SYN3: variants seen among roughly 807,000 people sequenced by gnomAD.
The protein encoded by SYN3 is synapsin-3.
In SYN3, 35 loss-of-function variants were observed where a neutral mutation model predicts 65.8. The ratio of observed to expected loss-of-function variants is 0.53; its 90% CI spans 0.41 to 0.70. The LOEUF is 0.70. Ranked by LOEUF, SYN3 falls within the 30% of genes least tolerant of loss-of-function variation. The probability of loss-of-function intolerance (pLI) is 0.00; values close to 1 mark genes in which losing one functional copy is unlikely to be tolerated. For missense variants in SYN3, 680 were observed against 749.0 expected (o/e 0.91, Z 1.08); for synonymous variants, 270 against 292.9 (o/e 0.92, Z 0.80).
At chr22:32,983,635 A>C (rs536426933) in intron 2 of SYN3, among the ~76,000 whole-genome samples, 163 of 152,240 alleles carry the variant, frequency 1.1e-3, no homozygotes, top group African/African-American at 3.8e-3. Context: ...TTCTTTCAGC[A>C]ATGGTCTTCA....
At chr22:32,529,790 C>T (rs1335674976) in intron 10 of SYN3, among the ~76,000 whole-genome samples, 1 of 152,194 alleles carries the variant, frequency 6.6e-6, no homozygotes. Context: ...CTCTCTGCTC[C>T]ACTGCAGGAG....
At chr22:32,871,059 G>A (rs1239461170) in intron 4 of SYN3, among the ~76,000 whole-genome samples, 1 of 152,190 alleles carries the variant, frequency 6.6e-6, no homozygotes, top group Non-Finnish European at 1.5e-5. Context: ...CTGGCAGCGT[G>A]GGTTCCATCA....
intron 6 of SYN3, among the ~76,000 whole-genome samples, chr22:32,738,788 G>A (rs2061365269): frequency 6.6e-6 from 1 of 152,228 alleles, no homozygotes; most frequent in African/African-American, 2.4e-5. Flanking sequence ...TAAAAGCTCA[G>A]TGTAGCTGAA....
intron 4 of SYN3, among the ~76,000 whole-genome samples, chr22:32,887,818 T>C (rs1305961212): frequency 6.6e-6 from 1 of 152,214 alleles, no homozygotes; most frequent in Non-Finnish European, 1.5e-5. Context: ...TGAAGATTCT[T>C]ATAAAAGTCA....
At chr22:32,833,071 A>G (rs189018692) in intron 6 of SYN3, among the ~76,000 whole-genome samples, 2 of 152,308 alleles carry the variant, frequency 1.3e-5, no homozygotes, top group African/African-American at 4.8e-5. Context: ...CACTAGAAGT[A>G]CTTAAATAGA....
chr22:32,545,876 G>A (rs1208393964), intron 7 of SYN3, among the ~76,000 whole-genome samples: 1 of 152,068 alleles, frequency 6.6e-6, no homozygotes, highest in African/African-American at 2.4e-5. Context: ...GCATTTCAAA[G>A]CTTCAGGAGA....
At chr22:32,951,046 A>T (rs2051275637) in intron 3 of SYN3, among the ~76,000 whole-genome samples, 1 of 152,252 alleles carries the variant, frequency 6.6e-6, no homozygotes. Context: ...GTCTGCATGT[A>T]TTATGATCTT....
At chr22:32,740,897 T>A (rs1198914875) in intron 6 of SYN3, among the ~76,000 whole-genome samples, 9 of 152,142 alleles carry the variant, frequency 5.9e-5, no homozygotes, top group Non-Finnish European at 1.5e-5. Context: ...AATGAGGTGA[T>A]CTTGATGGTC....
chr22:32,789,982 C>T (rs1241047549), intron 6 of SYN3, among the ~76,000 whole-genome samples: 1 of 152,224 alleles, frequency 6.6e-6, no homozygotes, highest in Non-Finnish European at 1.5e-5. Context: ...CCACATATAT[C>T]ATCTTATTTA....
intron 4 of SYN3, among the ~76,000 whole-genome samples, chr22:32,895,976 A>C (rs2049582213): frequency 6.6e-6 from 1 of 152,206 alleles, no homozygotes; most frequent in African/African-American, 2.4e-5. Context: ...TAATCCACGT[A>C]AGGCCCTTAG....
At chr22:32,807,347 A>AATATAT (rs1569239595) in intron 6 of SYN3, among the ~76,000 whole-genome samples, 4 of 34,086 alleles carry the variant, frequency 1.2e-4, no homozygotes, top group African/African-American at 1.4e-4. Flanking sequence ...TATAATATAT[A>AATATAT]AATATATAAT....
intron 6 of SYN3, among the ~76,000 whole-genome samples, chr22:32,838,348 G>A (rs927159255): frequency 6.6e-6 from 1 of 152,176 alleles, no homozygotes; most frequent in Non-Finnish European, 1.5e-5. Context: ...AGCCTGCCAT[G>A]CTCTTCATAT....
chr22:32,647,904 A>AT lies in SYN3; in HGVS notation c.712-51169dup, dbSNP rs578058861. Among the ~76,000 whole-genome samples the AT allele has an allele frequency of 2.2e-3, 330 of 151,428 alleles. 5 individuals carry two copies. The highest frequency in any genetic ancestry group is 7.4e-3 in the African/African-American group (306 of 41,238). Reference sequence around the variant, plus strand: ...TTACATATTTTTAATATTTTTTTACATTTTTTTTGTTTTTGGTAGAGATGG... The same window carrying AT: ...TTACATATTTTTAATATTTTTTTACATTTTTTTTTGTTTTTGGTAGAGATGG... On this transcript the variant is annotated intron_variant, in intron 6 of 13. Transcript: ENST00000358763.
At chr22:33,004,917 T>C (rs887062900) in intron 2 of SYN3, among the ~76,000 whole-genome samples, 2 of 152,140 alleles carry the variant, frequency 1.3e-5, no homozygotes, top group African/African-American at 4.8e-5. Flanking sequence ...TCATGTGTCA[T>C]GGGAGGGACC....
chr22:32,531,373 A>C (rs2710370), intron 10 of SYN3, among the ~76,000 whole-genome samples: 66,889 of 151,476 alleles, frequency 0.44, 15,090 homozygotes, highest in East Asian at 0.73. Flanking sequence ...TGCCCCTGCC[A>C]ACCCCATTTT....
Position 32,652,399 on chromosome 22 carries a change from A to C in SYN3, c.712-55663T>G, listed in dbSNP as rs1290887692. On this transcript the variant is annotated intron_variant, in intron 6 of 13. Transcript: ENST00000358763. ...TGCAAGTTTTTTTTTTTTTGGAAAAAAAAAAGTTTTCTTTTTTGGAAGAAA... is the reference window on the plus strand; with the variant it reads ...TGCAAGTTTTTTTTTTTTTGGAAAACAAAAAGTTTTCTTTTTTGGAAGAAA... 1.1e-4 allele frequency among the ~76,000 whole-genome samples: 17 copies of C among 151,276 alleles called. No homozygotes were observed. In the South Asian group the frequency reaches 2.5e-3, roughly 22 times the overall value.
intron 11 of SYN3, among the ~76,000 whole-genome samples, chr22:32,528,217 A>G (rs993224485): frequency 1.3e-5 from 2 of 152,216 alleles, no homozygotes; most frequent in African/African-American, 4.8e-5. Context: ...ATTCTCTGCG[A>G]TAAAGCCTGC....
Position 32,864,968 on chromosome 22 carries a change from G to T in SYN3, c.658C>A (p.Pro220Thr). The change falls in exon 6 of 14, where the codon CCT becomes ACT. Residue 220 changes from proline to threonine, a missense_variant. Coordinates refer to ENST00000358763, the MANE Select transcript of SYN3 (RefSeq NM_003490.4). ...TGCTCCACAAGCGGGAACTTCTCAG[G>T]ACCCAGGGAATGGAAGATCTTAATG... ...QLIKIFHSLG[P>T]EKFPLVEQTF... The T allele has an allele frequency of 6.2e-7, 1 of 1,614,152 alleles. No homozygotes were observed. The highest frequency in any genetic ancestry group is 8.5e-7 in the Non-Finnish European group (1 of 1,179,998).
chr22:32,554,811 A>G (rs1265576377), intron 7 of SYN3, among the ~76,000 whole-genome samples: 1 of 152,100 alleles, frequency 6.6e-6, no homozygotes, highest in African/African-American at 2.4e-5. Flanking sequence ...TGCCTTGCTG[A>G]CAAAAAAAAT....
Sources: allele counts gnomAD v4.1 joint callset (sites outside exome capture counted in the v4.1 genomes callset), GRCh38; gene constraint gnomAD v4.1.1; transcripts MANE v1.5; gene names NCBI Gene and HGNC (gene_info 2026-07-23, HGNC 2026-07-21).